The following UGT1A3 variants were observed in gnomAD, a reference collection of about 807,000 sequenced individuals.
UGT1A3 encodes the protein UDP-glucuronosyltransferase 1A3.
In UGT1A3, 31 loss-of-function variants were observed where a neutral mutation model predicts 41.0. The ratio of observed to expected loss-of-function variants is 0.76; its 90% CI spans 0.57 to 1.02. The LOEUF (loss-of-function observed/expected upper bound fraction) is 1.02. UGT1A3 is among the 50% of genes least tolerant of loss of function. The pLI is 0.00. For missense variants in UGT1A3, 737 were observed against 671.0 expected (o/e 1.10, Z -1.09); for synonymous variants, 262 against 257.6 (o/e 1.02, Z -0.17).
rs375249430 is a variant in UGT1A3, at chr2:233,729,658, T to C, written c.532T>C (p.Cys178Arg). 1.7e-4 allele frequency: 278 copies of C among 1,613,792 alleles called. No individual in the cohort carries two copies. The highest frequency in any genetic ancestry group is 2.3e-4 in the Non-Finnish European group (271 of 1,179,866). The part of the protein sequence containing the change: ...PTVFFLRNIP[C>R]DLDFKGTQCP... Reference sequence around the variant, plus strand: ...TGTGTTTTTTTTGAGGAACATTCCATGTGATTTAGACTTTAAGGGCACACA... The same window carrying C: ...TGTGTTTTTTTTGAGGAACATTCCACGTGATTTAGACTTTAAGGGCACACA... The change falls in exon 1 of 5, where the codon TGT becomes CGT. Residue 178 changes from cysteine (C) to arginine (R), a missense_variant. Cys to Arg is a radical substitution (Grantham distance 180). Coordinates refer to ENST00000482026, the MANE Select transcript of UGT1A3 (RefSeq NM_019093.4).
chr2:233,743,464 C>T lies in UGT1A3; in HGVS notation c.867+13471C>T, dbSNP rs542057655. 5.5e-4 allele frequency: 753 copies of T among 1,366,482 alleles called. 6 individuals carry two copies. In the Admixed American group the frequency reaches 0.012, roughly 23 times the overall value. The allele number at this position is 1,366,482 out of a possible 1,614,324, so 84.6% of individuals were successfully genotyped here. On this transcript the variant is annotated intron_variant, in intron 1 of 4. Coordinates refer to ENST00000482026, the MANE Select transcript of UGT1A3 (RefSeq NM_019093.4). Reference sequence around the variant, plus strand: ...TGTATCAAAAGAAGAAAAAACACCCCCAAAAGCTGGAAATTCACTGAAGGC... The same window carrying T: ...TGTATCAAAAGAAGAAAAAACACCCTCAAAAGCTGGAAATTCACTGAAGGC...
At chr2:233,755,412 C>T in intron 1 of UGT1A3, 1 of 330,878 alleles carries the variant, frequency 3.0e-6, no homozygotes, top group Non-Finnish European at 5.9e-6. Context: ...TGGCCGAGGC[C>T]TGTGAGCGCC....
chr2:233,759,887 T>G (rs1697280307), intron 1 of UGT1A3, among the ~76,000 whole-genome samples: 1 of 152,200 alleles, frequency 6.6e-6, no homozygotes, highest in African/African-American at 2.4e-5. Flanking sequence ...GTTCTTTTCT[T>G]TCTAAAAGGC....
intron 1 of UGT1A3, chr2:233,747,822 C>T (rs1361602523): frequency 6.2e-7 from 1 of 1,613,368 alleles, no homozygotes; most frequent in Non-Finnish European, 8.5e-7. Context: ...CAATTCAGAC[C>T]ACATGACATT....
At chr2:233,758,862 T>C (rs1697002343) in intron 1 of UGT1A3, among the ~76,000 whole-genome samples, 2 of 152,226 alleles carry the variant, frequency 1.3e-5, no homozygotes. Flanking sequence ...GGCTGCACAA[T>C]ACTTGCCCCA....
Position 233,755,903 on chromosome 2 carries a change from T to G in UGT1A3, c.868-11131T>G, listed in dbSNP as rs537567684. ...TTATGTAACTTTTTTTGAGACAAAATGTAGTGAGAAGAGTGGCATCGTTTT... is the reference window on the plus strand; with the variant it reads ...TTATGTAACTTTTTTTGAGACAAAAGGTAGTGAGAAGAGTGGCATCGTTTT... On this transcript the variant is annotated intron_variant, in intron 1 of 4. Transcript: ENST00000482026. 8 of 152,096 alleles carry G rather than the reference T, an allele frequency of 5.3e-5. No individual in the cohort carries two copies. The South Asian group carries it at 1.7e-3, about 32-fold the overall frequency. 9.4% of individuals were successfully genotyped at this position (152,096 alleles called of 1,614,324 possible). A position where few individuals can be genotyped will look rare whatever the true frequency, so the allele number is the denominator to read the frequency against.
rs927905587 is a variant in UGT1A3 at position 233,772,883 on chromosome 2, C to G, written c.*324C>G. The G allele has an allele frequency of 7.2e-6, 4 of 557,122 alleles. No homozygotes were observed. Among genetic ancestry groups the G allele is most frequent in the Admixed American group, 7.5e-5 (2 of 26,828 alleles). 34.5% of individuals were successfully genotyped at this position (557,122 alleles called of 1,614,324 possible). Reference sequence around the variant, plus strand: ...ATGGCCTGTTTGGGAGTGCGGGATTCAAAGGTGGTCCCACGGCTGCCCCTA... The same window carrying G: ...ATGGCCTGTTTGGGAGTGCGGGATTGAAAGGTGGTCCCACGGCTGCCCCTA... On this transcript the variant is annotated 3_prime_UTR_variant, in exon 5 of 5. Transcript: ENST00000482026.
chr2:233,771,369 G>A (rs987787590), intron 4 of UGT1A3: 2 of 151,684 alleles, frequency 1.3e-5, no homozygotes, highest in African/African-American at 4.8e-5. Flanking sequence ...CACCTAACCC[G>A]TTTTGGATTG....
At chr2:233,757,471 C>G (rs1223832347) in intron 1 of UGT1A3, among the ~76,000 whole-genome samples, 8 of 147,498 alleles carry the variant, frequency 5.4e-5, no homozygotes, top group African/African-American at 1.5e-4. Context: ...CTTACTGTCT[C>G]CAAAACCATG....
chr2:233,740,447 GAGA>G (rs1243845787), intron 1 of UGT1A3, among the ~76,000 whole-genome samples: 2 of 151,994 alleles, frequency 1.3e-5, no homozygotes, highest in African/African-American at 2.4e-5. Flanking sequence ...GGAATCAGAG[GAGA>G]AGAAGATGAT....
chr2:233,757,306 AG>A (rs1394181032), intron 1 of UGT1A3, among the ~76,000 whole-genome samples: 3 of 7,688 alleles, frequency 3.9e-4, no homozygotes, highest in African/African-American at 1.6e-3. Context: ...GTTGGGGGAC[AG>A]GGGGGCTGGG....
At chr2:233,766,998 GA>G in intron 1 of UGT1A3, 35 bp from the exon 2 acceptor site, 1 of 1,613,532 alleles carries the variant, frequency 6.2e-7, no homozygotes, top group South Asian at 1.1e-5. Context: ...AAGAATATGA[GA>G]AAAAATTAAC....
chr2:233,767,452 A>G (rs1559414101), intron 2 of UGT1A3, among the ~76,000 whole-genome samples: 1 of 152,230 alleles, frequency 6.6e-6, no homozygotes, highest in Non-Finnish European at 1.5e-5. Context: ...AATAAAATAA[A>G]TGGGATATTG....
chr2:233,754,247 A>G (rs1695429066), intron 1 of UGT1A3: 1 of 170,702 alleles, frequency 5.9e-6, no homozygotes, highest in Admixed American at 5.5e-5. Context: ...CACTTTCCCA[A>G]CGGAAAAAGG....
At chr2:233,764,627 A>C (rs2126011336) in intron 1 of UGT1A3, among the ~76,000 whole-genome samples, 1 of 152,212 alleles carries the variant, frequency 6.6e-6, no homozygotes, top group South Asian at 2.1e-4. Flanking sequence ...CATGAAGAGC[A>C]AAGGTCCTAG....
intron 1 of UGT1A3, among the ~76,000 whole-genome samples, chr2:233,749,367 C>G (rs893134182): frequency 6.6e-6 from 1 of 151,762 alleles, no homozygotes; most frequent in Non-Finnish European, 1.5e-5. Flanking sequence ...GACTCTTGCC[C>G]TTTTCTTCCA....
At chr2:233,741,745 T>C (rs1691762813) in intron 1 of UGT1A3, 2 of 151,906 alleles carry the variant, frequency 1.3e-5, no homozygotes, top group African/African-American at 4.9e-5. Context: ...TCACACTCTT[T>C]GTTGGTTAAT....
chr2:233,744,019 G>T, intron 1 of UGT1A3: 1 of 997,712 alleles, frequency 1.0e-6, no homozygotes. Flanking sequence ...GCCGCCTGGA[G>T]AGACGCCCCT....
At chr2:233,738,769 T>C (rs1352838892) in intron 1 of UGT1A3, among the ~76,000 whole-genome samples, 4 of 152,188 alleles carry the variant, frequency 2.6e-5, no homozygotes, top group Non-Finnish European at 5.9e-5. Context: ...ACCCATTTTA[T>C]GGGGAGAAAT....
Sources: allele counts gnomAD v4.1 joint callset (sites outside exome capture counted in the v4.1 genomes callset), GRCh38; gene constraint gnomAD v4.1.1; transcripts MANE v1.5; gene names NCBI Gene and HGNC (gene_info 2026-07-23, HGNC 2026-07-21).